Variants in RBFOX1 observed in about 807,000 individuals in gnomAD.
RBFOX1 encodes the protein RNA binding protein fox-1 homolog 1.
RBFOX1 carries 8 observed loss-of-function variants against 57.7 expected under a neutral mutation model. That is an observed-to-expected ratio of 0.14 (90% CI 0.08 to 0.25). RBFOX1 has a LOEUF of 0.25. Ranked by LOEUF, RBFOX1 falls within the 10% of genes least tolerant of loss-of-function variation. The pLI, the probability that RBFOX1 is intolerant of heterozygous loss-of-function variation, is 1.00. For synonymous variants in RBFOX1, 326 were observed against 222.4 expected (o/e 1.47, Z -4.15); for missense variants, 611 against 548.5 (o/e 1.11, Z -1.14).
intron 4 of RBFOX1, among the ~76,000 whole-genome samples, chr16:7,128,829 T>C (rs1472539071): frequency 6.7e-6 from 1 of 149,894 alleles, no homozygotes. Flanking sequence ...TTTTTTTTTT[T>C]TTTTTTTTTT....
chr16:5,558,597 C>T (rs1488051258), intron 2 of RBFOX1, among the ~76,000 whole-genome samples: 1 of 152,104 alleles, frequency 6.6e-6, no homozygotes, highest in Non-Finnish European at 1.5e-5. Flanking sequence ...CTTTCCTTTC[C>T]TTGTCAAGGG....
chr16:5,493,664 G>T (rs980486961), intron 2 of RBFOX1, among the ~76,000 whole-genome samples: 1 of 152,220 alleles, frequency 6.6e-6, no homozygotes, highest in African/African-American at 2.4e-5. Context: ...TGATGGAGTA[G>T]CCTGGGATTC....
chr16:5,404,700 A>C (rs754408421), intron 1 of RBFOX1, among the ~76,000 whole-genome samples: 1 of 152,216 alleles, frequency 6.6e-6, no homozygotes, highest in African/African-American at 2.4e-5. Context: ...AGGGAAACCC[A>C]TGCATGGCAG....
chr16:7,189,420 C>T (rs762305572), intron 4 of RBFOX1, among the ~76,000 whole-genome samples: 6 of 115,604 alleles, frequency 5.2e-5, no homozygotes, highest in Non-Finnish European at 1.7e-5. Flanking sequence ...AGCGAGACTC[C>T]CTCTCAAAAA....
At chr16:7,683,688 A>G (rs1389828373) in intron 14 of RBFOX1, among the ~76,000 whole-genome samples, 1 of 152,058 alleles carries the variant, frequency 6.6e-6, no homozygotes, top group Non-Finnish European at 1.5e-5. Context: ...ATAGGCCACA[A>G]AAAAGGAAAT....
chr16:6,449,207 C>G (rs2153041218), intron 2 of RBFOX1, among the ~76,000 whole-genome samples: 1 of 152,308 alleles, frequency 6.6e-6, no homozygotes, highest in African/African-American at 2.4e-5. Context: ...CATAATATAG[C>G]TTCCCTAGAT....
chr16:7,543,409 A>G (rs911259653), intron 5 of RBFOX1, among the ~76,000 whole-genome samples: 5 of 152,216 alleles, frequency 3.3e-5, no homozygotes, highest in African/African-American at 1.2e-4. Flanking sequence ...AGATGCCAGC[A>G]GCTATCACTG....
chr16:7,315,705 T>C (rs1479137546), intron 4 of RBFOX1, among the ~76,000 whole-genome samples: 1 of 152,062 alleles, frequency 6.6e-6, no homozygotes. Context: ...GGACATATGA[T>C]ACAGCATTTT....
At chr16:6,723,047 C>T (rs1023204172) in intron 3 of RBFOX1, among the ~76,000 whole-genome samples, 1 of 152,054 alleles carries the variant, frequency 6.6e-6, no homozygotes. Context: ...TGAGAGCTAC[C>T]CAGGCTTTGG....
intron 2 of RBFOX1, among the ~76,000 whole-genome samples, chr16:6,616,412 C>T (rs1454827279): frequency 1.3e-5 from 2 of 151,294 alleles, no homozygotes; most frequent in Non-Finnish European, 1.5e-5. Context: ...CGTGATGGCT[C>T]ACGCCTGTAA....
chr16:5,906,543 C>G (rs1022692710), intron 4 of RBFOX1, among the ~76,000 whole-genome samples: 5 of 151,988 alleles, frequency 3.3e-5, no homozygotes, highest in Non-Finnish European at 5.9e-5. Flanking sequence ...TGTTTAAGCT[C>G]CCTGTCTGCA....
intron 3 of RBFOX1, among the ~76,000 whole-genome samples, chr16:6,870,159 A>G (rs180817996): frequency 9.9e-5 from 15 of 152,236 alleles, no homozygotes; most frequent in African/African-American, 3.4e-4. Flanking sequence ...CAGGATGGTG[A>G]TGAATGAGTT....
chr16:6,224,171 A>C (rs1172184995), intron 1 of RBFOX1, among the ~76,000 whole-genome samples: 1 of 150,786 alleles, frequency 6.6e-6, no homozygotes, highest in Non-Finnish European at 1.5e-5. Context: ...CTTAGGATTG[A>C]CTTGGTGATG....
intron 1 of RBFOX1, among the ~76,000 whole-genome samples, chr16:6,201,300 C>T (rs1298622191): frequency 1.3e-5 from 2 of 152,068 alleles, no homozygotes; most frequent in Non-Finnish European, 2.9e-5. Flanking sequence ...TAAGGGTTTT[C>T]TTTTCTTTGG....
At chr16:7,129,198 C>G (rs946936528) in intron 4 of RBFOX1, among the ~76,000 whole-genome samples, 4 of 152,138 alleles carry the variant, frequency 2.6e-5, no homozygotes, top group Non-Finnish European at 5.9e-5. Flanking sequence ...AGTACAAGTT[C>G]TTCCTCATTG....
chr16:6,189,744 A>G (rs1235485519), intron 1 of RBFOX1, among the ~76,000 whole-genome samples: 4 of 152,214 alleles, frequency 2.6e-5, no homozygotes, highest in Non-Finnish European at 4.4e-5. Context: ...ACATTCCACT[A>G]AACAAGTAAT....
intron 4 of RBFOX1, among the ~76,000 whole-genome samples, chr16:7,143,243 T>TAG (rs140739295): frequency 0.014 from 2,051 of 151,304 alleles, 42 homozygotes; most frequent in African/African-American, 0.047. Flanking sequence ...CAGGGAAAAT[T>TAG]AGAGAGAGAG....
At chr16:5,732,003 G>T (rs1264473714) in intron 3 of RBFOX1, among the ~76,000 whole-genome samples, 3 of 152,134 alleles carry the variant, frequency 2.0e-5, no homozygotes, top group Non-Finnish European at 4.4e-5. Flanking sequence ...CAGTGAGCTG[G>T]GCATCCCCTT....
chr16:5,918,514 G>A (rs2058755474), intron 4 of RBFOX1, among the ~76,000 whole-genome samples: 1 of 152,220 alleles, frequency 6.6e-6, no homozygotes, highest in Admixed American at 6.5e-5. Flanking sequence ...GCACCTGACA[G>A]ATAGTAAGGG....
Sources: allele counts gnomAD v4.1 joint callset (sites outside exome capture counted in the v4.1 genomes callset), GRCh38; gene constraint gnomAD v4.1.1; transcripts MANE v1.5; gene names NCBI Gene and HGNC (gene_info 2026-07-23, HGNC 2026-07-21).